The following NBAS variants were observed in gnomAD, a reference collection of about 807,000 sequenced individuals.
The protein encoded by NBAS is NAG/BC035112 fusion.
In NBAS, 219 loss-of-function variants were observed where a neutral mutation model predicts 302.5. That is an observed-to-expected ratio of 0.72 (90% CI 0.65 to 0.81). The LOEUF (loss-of-function observed/expected upper bound fraction) is 0.81, where lower values mean the gene tolerates loss of function less well. NBAS is among the 30% of genes least tolerant of loss of function. The pLI, the probability that NBAS is intolerant of heterozygous loss-of-function variation, is 0.00. For synonymous variants in NBAS, 1,118 were observed against 1,021.6 expected, an observed-to-expected ratio of 1.09 and a Z score of -1.80; for missense variants, 2,932 against 2,841.6, an observed-to-expected ratio of 1.03 and a Z score of -0.72.
At chr2:15,407,755 A>G (rs547059436) in intron 25 of NBAS, among the ~76,000 whole-genome samples, 19 of 152,204 alleles carry the variant, frequency 1.2e-4, no homozygotes, top group Non-Finnish European at 2.5e-4. Context: ...TTATTTTTCT[A>G]TGCTGCCATA....
intron 41 of NBAS, among the ~76,000 whole-genome samples, chr2:15,289,329 T>C (rs984626797): frequency 6.6e-6 from 1 of 152,200 alleles, no homozygotes; most frequent in African/African-American, 2.4e-5. Flanking sequence ...AGTGAACTCC[T>C]GGCCTCAAGC....
chr2:14,792,173 A>G, the NBAS span, among the ~76,000 whole-genome samples: 186 of 152,318 alleles, frequency 1.2e-3, no homozygotes, highest in Non-Finnish European at 1.7e-3. Context: ...TTCTGAAACT[A>G]AATATCAAAA....
At chr2:15,308,549 T>C (rs971127400) in intron 39 of NBAS, among the ~76,000 whole-genome samples, 196 bp from the exon 40 acceptor site, 4 of 152,176 alleles carry the variant, frequency 2.6e-5, no homozygotes, top group Non-Finnish European at 5.9e-5. Flanking sequence ...GCAGTAAAAG[T>C]AGATGTAAAG....
At chr2:15,516,782 A>C (rs1450418117) in intron 9 of NBAS, among the ~76,000 whole-genome samples, 1 of 152,262 alleles carries the variant, frequency 6.6e-6, no homozygotes, top group East Asian at 1.9e-4. Flanking sequence ...GAACTAACAA[A>C]GTATTAGTAG....
the NBAS span, among the ~76,000 whole-genome samples, chr2:15,016,888 G>A: frequency 6.6e-6 from 1 of 152,072 alleles, no homozygotes; most frequent in African/African-American, 2.4e-5. Flanking sequence ...TACTTATGGT[G>A]TACATGAGAT....
At chr2:15,292,439 G>T in intron 41 of NBAS, 98 bp downstream of exon 41, 3 of 1,290,218 alleles carry the variant, frequency 2.3e-6, no homozygotes, top group Non-Finnish European at 2.2e-6. Context: ...AACCATGAAT[G>T]TAAAACTTCA....
intron 33 of NBAS, among the ~76,000 whole-genome samples, chr2:15,354,615 T>G (rs1673524581): frequency 6.6e-6 from 1 of 152,240 alleles, no homozygotes; most frequent in Non-Finnish European, 1.5e-5. Context: ...GAAAACAATT[T>G]GCTAATGCTG....
chr2:15,263,357 G>A (rs1367460763), intron 44 of NBAS, among the ~76,000 whole-genome samples: 1 of 152,150 alleles, frequency 6.6e-6, no homozygotes, highest in Non-Finnish European at 1.5e-5. Flanking sequence ...GCTTCCCAGA[G>A]TGTTGGGATT....
the NBAS span, among the ~76,000 whole-genome samples, chr2:15,069,472 A>G: frequency 6.6e-6 from 1 of 151,982 alleles, no homozygotes; most frequent in Admixed American, 6.6e-5. Context: ...CTTTTTCTGA[A>G]CGATCTCTAT....
the NBAS span, among the ~76,000 whole-genome samples, chr2:14,796,527 C>A: frequency 6.6e-6 from 1 of 152,066 alleles, no homozygotes; most frequent in South Asian, 2.1e-4. Flanking sequence ...TTGTAATTTT[C>A]CTGCATGAGT....
At chr2:15,503,401 T>C (rs1300495882) in intron 11 of NBAS, among the ~76,000 whole-genome samples, 1 of 152,204 alleles carries the variant, frequency 6.6e-6, no homozygotes, top group Admixed American at 6.5e-5. Context: ...GCCTGACTTT[T>C]CATATCAGCA....
the NBAS span, among the ~76,000 whole-genome samples, chr2:14,981,701 G>A: frequency 2.6e-5 from 4 of 152,204 alleles, no homozygotes; most frequent in African/African-American, 9.7e-5. Context: ...AGAAGCAGAG[G>A]TGTCTGCTAT....
the NBAS span, among the ~76,000 whole-genome samples, chr2:15,136,314 GC>G: frequency 6.6e-6 from 1 of 152,146 alleles, no homozygotes. Flanking sequence ...TCATATCAGA[GC>G]CTATATTGTC....
At chr2:14,928,387 T>C in the NBAS span, among the ~76,000 whole-genome samples, 4 of 152,096 alleles carry the variant, frequency 2.6e-5, no homozygotes, top group Admixed American at 6.5e-5. Context: ...GAAGAGAAAA[T>C]ATAGGAGTTA....
chr2:15,125,494 A>T, the NBAS span, among the ~76,000 whole-genome samples: 2 of 142,542 alleles, frequency 1.4e-5, no homozygotes, highest in South Asian at 4.6e-4. Context: ...CACTCCCATG[A>T]TCTAGTCATC....
At chr2:15,267,406 T>G (rs1669127644) in intron 44 of NBAS, among the ~76,000 whole-genome samples, 1 of 152,286 alleles carries the variant, frequency 6.6e-6, no homozygotes, top group African/African-American at 2.4e-5. Context: ...AAAAAAAAGT[T>G]TGAATAAACA....
Position 15,423,491 on chromosome 2 carries a change from A to T in NBAS, c.2577+824T>A, listed in dbSNP as rs990296187. ...AAATTCATTTTATTTATTTATTTTT[A>T]AAATTTTTAAAAAACTTGTCACTGA... On this transcript the variant is annotated intron_variant, in intron 23 of 51. Transcript: ENST00000281513. Among the ~76,000 whole-genome samples, 30 of 152,318 alleles carry T rather than the reference A, an allele frequency of 2.0e-4. 1 individual carries two copies. The highest frequency in any genetic ancestry group is 1.6e-3 in the Admixed American group (25 of 15,296).
chr2:15,327,380 C>T (rs1452921770), intron 38 of NBAS, among the ~76,000 whole-genome samples: 1 of 152,102 alleles, frequency 6.6e-6, no homozygotes, highest in Admixed American at 6.6e-5. Flanking sequence ...GATATTCCAC[C>T]AAGCAGAAAA....
intron 26 of NBAS, among the ~76,000 whole-genome samples, chr2:15,398,121 TTTTG>T (rs1283039263): frequency 1.1e-3 from 141 of 126,406 alleles, no homozygotes; most frequent in African/African-American, 4.0e-3. Flanking sequence ...GTGTATGTTT[TTTTG>T]TTTGTTTGTT....
Sources: allele counts gnomAD v4.1 joint callset (sites outside exome capture counted in the v4.1 genomes callset), GRCh38; gene constraint gnomAD v4.1.1; transcripts MANE v1.5; gene names NCBI Gene and HGNC (gene_info 2026-07-23, HGNC 2026-07-21).